The following ABCA12 variants were observed in gnomAD, a reference collection of about 807,000 sequenced individuals.
The protein encoded by ABCA12 is ATP binding cassette subfamily A member 12.
In ABCA12, 156 loss-of-function variants were observed where a neutral mutation model predicts 293.5. The observed-to-expected ratio is 0.53, with a 90% confidence interval of 0.47 to 0.61. The LOEUF is 0.61. ABCA12 is among the 20% of genes least tolerant of loss of function. The probability of loss-of-function intolerance (pLI) is 0.00; values close to 1 mark genes in which losing one functional copy is unlikely to be tolerated. For missense variants in ABCA12, 2,797 were observed against 3,090.2 expected (o/e 0.91, Z 2.25); for synonymous variants, 1,063 against 1,108.0 (o/e 0.96, Z 0.81).
intron 1 of ABCA12, among the ~76,000 whole-genome samples, chr2:215,131,640 G>C (rs1257098941): frequency 6.8e-6 from 1 of 147,450 alleles, no homozygotes; most frequent in African/African-American, 2.5e-5. Flanking sequence ...TCTAGCTGGT[G>C]GTCTGTCAAT....
chr2:214,933,080 T>C (rs1698109818), intron 52 of ABCA12, among the ~76,000 whole-genome samples: 1 of 152,182 alleles, frequency 6.6e-6, no homozygotes, highest in African/African-American at 2.4e-5. Flanking sequence ...CTCTATCAGG[T>C]ATAAACAAGG....
chr2:215,005,103 T>A (rs1472652749), intron 19 of ABCA12, among the ~76,000 whole-genome samples: 4 of 152,188 alleles, frequency 2.6e-5, no homozygotes, highest in African/African-American at 9.6e-5. Flanking sequence ...CTTATAGAGT[T>A]TAACTTGACT....
chr2:214,958,957 A>T, intron 40 of ABCA12, 67 bp downstream of exon 40: 1 of 1,431,092 alleles, frequency 7.0e-7, no homozygotes, highest in Non-Finnish European at 9.9e-7. Flanking sequence ...ATTTCCAATT[A>T]CAGCACTTTA....
At chr2:214,991,846 A>G (rs1699917984) in intron 23 of ABCA12, among the ~76,000 whole-genome samples, 3 of 152,100 alleles carry the variant, frequency 2.0e-5, no homozygotes, top group Admixed American at 2.0e-4. Context: ...TGAAAGATTT[A>G]AAGTCCCCTG....
chr2:214,985,344 A>G (rs541215650), intron 28 of ABCA12, among the ~76,000 whole-genome samples: 1 of 152,300 alleles, frequency 6.6e-6, no homozygotes, highest in South Asian at 2.1e-4. Context: ...TATAAGTGGG[A>G]ACTAAATGAT....
At chr2:214,992,524 T>C (rs59132752) in intron 23 of ABCA12, among the ~76,000 whole-genome samples, 27,268 of 46,252 alleles carry the variant, frequency 0.59, 6,334 homozygotes, top group East Asian at 0.76. Flanking sequence ...TCCCCCCCCT[T>C]TTTTTTTTTT....
chr2:215,004,190 T>C lies in ABCA12; in HGVS notation c.2683+19A>G. Reference sequence around the variant, plus strand: ...TCCGACATGACTCATGAATAAAAGCTTTGTGAATTTGGACTCACCGAGTTC... The same window carrying C: ...TCCGACATGACTCATGAATAAAAGCCTTGTGAATTTGGACTCACCGAGTTC... On this transcript the variant is annotated intron_variant, in intron 20 of 52. Coordinates refer to ENST00000272895, the MANE Select transcript of ABCA12 (RefSeq NM_173076.3). 6.3e-7 allele frequency: 1 copy of C among 1,597,668 alleles called. No homozygotes were observed. Among genetic ancestry groups the C allele is most frequent in the Non-Finnish European group, 8.6e-7 (1 of 1,165,580 alleles).
intron 49 of ABCA12, among the ~76,000 whole-genome samples, chr2:214,944,431 T>TA (rs71399162): frequency 0.4 from 59,081 of 149,028 alleles, 11,638 homozygotes; most frequent in South Asian, 0.47. Flanking sequence ...AATTAAAAAA[T>TA]AAAAAAAAAA....
At chr2:214,968,955 C>A in intron 37 of ABCA12, 148 bp from the exon 38 acceptor site, 1 of 669,190 alleles carries the variant, frequency 1.5e-6, no homozygotes, top group Non-Finnish European at 2.6e-6. Flanking sequence ...AAATATTTTA[C>A]ATTTCTATCA....
chr2:214,983,536 A>C (rs887539941), intron 29 of ABCA12, 111 bp downstream of exon 29: 6 of 975,892 alleles, frequency 6.1e-6, no homozygotes, highest in African/African-American at 4.8e-5. Flanking sequence ...AAAAGTAATT[A>C]TTTCGTGAGA....
chr2:214,983,474 G>A lies in ABCA12; in HGVS notation c.4382+173C>T, dbSNP rs373540735. On this transcript the variant is annotated intron_variant, in intron 29 of 52. Coordinates refer to ENST00000272895, the MANE Select transcript of ABCA12 (RefSeq NM_173076.3). ...AACAATTTCAGTGTAATAACTGGCC[G>A]GTAAGGATAATGACCTTAAATGTTT... Among the ~76,000 whole-genome samples, 258 of 152,102 alleles carry A rather than the reference G, an allele frequency of 1.7e-3. 1 individual carries two copies. Among genetic ancestry groups the A allele is most frequent in the African/African-American group, 5.9e-3 (246 of 41,472 alleles).
chr2:215,127,930 T>C (rs532840175), intron 1 of ABCA12, among the ~76,000 whole-genome samples: 2 of 152,324 alleles, frequency 1.3e-5, no homozygotes, highest in African/African-American at 4.8e-5. Context: ...TCTGTTTTGA[T>C]GTGTTTCCAG....
chr2:215,040,626 T>G lies in ABCA12; in HGVS notation c.873-3561A>C, dbSNP rs569201527. ...GAGTTCAAGACCAGCCTGGCCAACA[T>G]GGTGAAACCCCGTCTCTACCAAAAA... On this transcript the variant is annotated intron_variant, in intron 7 of 52. Coordinates refer to ENST00000272895, the MANE Select transcript of ABCA12 (RefSeq NM_173076.3). Among the ~76,000 whole-genome samples the G allele has an allele frequency of 2.6e-5, 4 of 152,202 alleles. No homozygotes were observed. In the East Asian group the frequency reaches 7.7e-4, roughly 29 times the overall value.
Position 214,948,718 on chromosome 2 carries a change from A to T in ABCA12, c.6982T>A (p.Ser2328Thr). Residue 2328 changes from serine (S) to threonine (T), a missense_variant, in exon 47 of 53, where the codon TCT (serine) becomes ACT (threonine). Around this residue, in one of 3 missense-constraint regions of ABCA12, gnomAD observed 2,130 missense variants for 2,427.0 expected, o/e 0.88. Transcript: ENST00000272895. ...CAGTAGCCAACTAATGAGCTGTGAG[A>T]ATCAACGTGACCCAGAGATCTGAAT... ...NKTGSLGHVDSHSSLVGYCPQ... is the reference protein window; with the variant it reads ...NKTGSLGHVDTHSSLVGYCPQ... 6.2e-7 allele frequency: 1 copy of T among 1,614,102 alleles called. No homozygotes were observed. Among genetic ancestry groups the T allele is most frequent in the Non-Finnish European group, 8.5e-7 (1 of 1,179,988 alleles).
At chr2:215,030,509 C>G (rs1181403997) in intron 9 of ABCA12, among the ~76,000 whole-genome samples, 1 of 150,650 alleles carries the variant, frequency 6.6e-6, no homozygotes, top group Non-Finnish European at 1.5e-5. Context: ...GAGGCTGAGG[C>G]AGGAGAATGG....
Position 215,001,624 on chromosome 2 carries a change from C to T in ABCA12, c.2797G>A (p.Ala933Thr). ...SCVLYDRIQA[A>T]KTIDEMEREA... ...CTCTCCATTTCATCTATGGTTTTTG[C>T]TGCCTGAATACGGTCATATAATACA... The change falls in exon 21 of 53, where the codon GCA becomes ACA. Residue 933 changes from alanine to threonine, a missense_variant. This residue lies in a region of ABCA12 where 2,130 missense variants were observed against 2,427.0 expected (regional missense o/e 0.88). Transcript: ENST00000272895. 6.2e-7 allele frequency: 1 copy of T among 1,613,766 alleles called. No individual in the cohort carries two copies. The highest frequency in any genetic ancestry group is 8.5e-7 in the Non-Finnish European group (1 of 1,179,820).
chr2:215,049,464 G>A (rs1246388742), intron 6 of ABCA12, among the ~76,000 whole-genome samples, 162 bp downstream of exon 6: 1 of 152,116 alleles, frequency 6.6e-6, no homozygotes, highest in Admixed American at 6.6e-5. Flanking sequence ...CATTAAATAA[G>A]TAATACTACT....
intron 9 of ABCA12, among the ~76,000 whole-genome samples, chr2:215,028,126 C>T (rs944192863): frequency 6.6e-6 from 1 of 152,208 alleles, no homozygotes; most frequent in Non-Finnish European, 1.5e-5. Context: ...TGTTTTGAAT[C>T]AAACTGTACA....
In ABCA12 at chr2:215,001,545, GAAC is replaced by G; in HGVS notation, c.2863+10_2863+12del. 6.2e-7 allele frequency: 1 copy of G among 1,613,416 alleles called. No homozygotes were observed. Among genetic ancestry groups the G allele is most frequent in the Non-Finnish European group, 8.5e-7 (1 of 1,179,602 alleles). ...ACAAAGAGATGCTCAAACCCTAATA[GAAC>G]AGCACTTACTTCCAAAGAGTTCGTT... On this transcript the variant is annotated intron_variant, in intron 21 of 52. Transcript: ENST00000272895.
Sources: gnomAD v4.1 joint callset for allele counts (sites outside exome capture counted in the v4.1 genomes callset) on GRCh38, gnomAD v4.1.1 for gene constraint, gnomAD v4.1.1 regional missense constraint, MANE v1.5 for transcripts, NCBI Gene and HGNC (gene_info 2026-07-23, HGNC 2026-07-21) for gene names.